The following MAPRE2 variants were observed in gnomAD, a reference collection of about 807,000 sequenced individuals.
The protein encoded by MAPRE2 is microtubule-associated protein RP/EB family member 2.
In MAPRE2, 13 loss-of-function variants were observed where a neutral mutation model predicts 43.2. The ratio of observed to expected loss-of-function variants is 0.30; its 90% CI spans 0.20 to 0.48. MAPRE2 has a LOEUF of 0.48. MAPRE2 is among the 20% of genes least tolerant of loss of function. The probability of loss-of-function intolerance (pLI) is 0.99; values close to 1 mark genes in which losing one functional copy is unlikely to be tolerated. For missense variants in MAPRE2, 161 were observed against 400.2 expected, an observed-to-expected ratio of 0.40 and a Z score of 5.10; for synonymous variants, 135 against 148.8, an observed-to-expected ratio of 0.91 and a Z score of 0.68.
chr18:35,084,125 T>G (rs1157814222), intron 2 of MAPRE2, among the ~76,000 whole-genome samples: 1 of 152,108 alleles, frequency 6.6e-6, no homozygotes, highest in Non-Finnish European at 1.5e-5. Flanking sequence ...AATACAAAAA[T>G]TAGTCCGGTG....
chr18:35,065,150 T>G lies in MAPRE2; in HGVS notation c.123-5045T>G, dbSNP rs1040618280. 4.6e-5 allele frequency among the ~76,000 whole-genome samples: 7 copies of G among 151,744 alleles called. 1 individual carries two copies. The highest frequency in any genetic ancestry group is 1.7e-4 in the African/African-American group (7 of 41,306). ...TCTGTACTAAAAATACCAAAAAAAT[T>G]AGCTGGGCGTGGTGGCATGTGCCTG... On this transcript the variant is annotated intron_variant, in intron 1 of 6. Transcript: ENST00000300249.
At chr18:35,091,067 A>G (rs1412548592) in intron 2 of MAPRE2, among the ~76,000 whole-genome samples, 4 of 152,244 alleles carry the variant, frequency 2.6e-5, no homozygotes, top group Admixed American at 6.5e-5. Context: ...TGAAGAGGAC[A>G]TAAATAAATG....
At chr18:35,063,307 C>G (rs1267402553) in intron 1 of MAPRE2, among the ~76,000 whole-genome samples, 3 of 151,878 alleles carry the variant, frequency 2.0e-5, no homozygotes, top group East Asian at 1.9e-4. Context: ...TGGGGTTTCA[C>G]CGTGTTAGCC....
At chr18:35,113,355 C>T (rs966234700) in intron 4 of MAPRE2, among the ~76,000 whole-genome samples, 1 of 152,138 alleles carries the variant, frequency 6.6e-6, no homozygotes, top group Non-Finnish European at 1.5e-5. Context: ...TTTTCATTGC[C>T]ATCCTAATTT....
chr18:35,070,104 G>A, intron 1 of MAPRE2, 91 bp from the exon 2 acceptor site: 1 of 1,089,762 alleles, frequency 9.2e-7, no homozygotes, highest in Non-Finnish European at 1.3e-6. Flanking sequence ...ACATGCCCTG[G>A]AGTCCTGCCA....
At chr18:35,116,851 G>A (rs1401606181) in intron 4 of MAPRE2, among the ~76,000 whole-genome samples, 1 of 152,180 alleles carries the variant, frequency 6.6e-6, no homozygotes, top group Non-Finnish European at 1.5e-5. Flanking sequence ...ACAAAAGCAT[G>A]AACACCAGGA....
chr18:35,054,876 C>T (rs942395501), intron 1 of MAPRE2, among the ~76,000 whole-genome samples: 6 of 151,982 alleles, frequency 3.9e-5, no homozygotes, highest in Non-Finnish European at 7.4e-5. Context: ...GGTCATAGTT[C>T]GCAATGAAGT....
intron 2 of MAPRE2, among the ~76,000 whole-genome samples, chr18:35,075,634 A>T (rs1311657220): frequency 6.6e-6 from 1 of 151,986 alleles, no homozygotes; most frequent in South Asian, 2.1e-4. Context: ...TACTTGTGAT[A>T]TATTACATAG....
rs948715666 is a variant in MAPRE2, at chr18:35,126,546, A to T, written c.611-402A>T. On this transcript the variant is annotated intron_variant, in intron 4 of 6. Coordinates refer to ENST00000300249, the MANE Select transcript of MAPRE2 (RefSeq NM_014268.4). Reference sequence around the variant, plus strand: ...TACATTTGGATTGATATTTCTGCTGAAGTATTAATTGGTTATAAGATCTTT... The same window carrying T: ...TACATTTGGATTGATATTTCTGCTGTAGTATTAATTGGTTATAAGATCTTT... Among the ~76,000 whole-genome samples the T allele has an allele frequency of 2.6e-5, 4 of 152,368 alleles. No individual in the cohort carries two copies. In the East Asian group the frequency reaches 7.7e-4, roughly 29 times the overall value.
At chr18:35,120,083 G>C (rs897740655) in intron 4 of MAPRE2, among the ~76,000 whole-genome samples, 2 of 152,188 alleles carry the variant, frequency 1.3e-5, no homozygotes, top group South Asian at 4.1e-4. Flanking sequence ...TGGCCACAAA[G>C]CCACACCAGT....
At chr18:35,031,029 A>T (rs1470824716) in intron 2 of MAPRE2, among the ~76,000 whole-genome samples, 2 of 151,820 alleles carry the variant, frequency 1.3e-5, no homozygotes, top group Non-Finnish European at 2.9e-5. Flanking sequence ...TACCCTGGTC[A>T]CCCCATTTAA....
At chr18:35,134,307 C>T (rs1910291793) in intron 6 of MAPRE2, among the ~76,000 whole-genome samples, 1 of 152,216 alleles carries the variant, frequency 6.6e-6, no homozygotes, top group Non-Finnish European at 1.5e-5. Flanking sequence ...AAGTCTGAGG[C>T]ACCTTTTAAG....
chr18:34,999,875 G>A (rs1041424838), intron 1 of MAPRE2, among the ~76,000 whole-genome samples: 1 of 152,068 alleles, frequency 6.6e-6, no homozygotes, highest in African/African-American at 2.4e-5. Flanking sequence ...CAGGAGAGGG[G>A]AGGCAGTCTG....
At chr18:34,978,561 C>A (rs34534618) in intron 1 of MAPRE2, 266,767 of 1,548,968 alleles carry the variant, frequency 0.17, 23,636 homozygotes, top group East Asian at 0.25. Flanking sequence ...AGAATGGCAA[C>A]ATTTCCCCTG....
chr18:35,088,512 G>A (rs1258051969), intron 2 of MAPRE2, among the ~76,000 whole-genome samples: 1 of 152,204 alleles, frequency 6.6e-6, no homozygotes, highest in African/African-American at 2.4e-5. Context: ...GATATTCTTA[G>A]CAGGAGAGGG....
rs1381840761 is a variant in MAPRE2 at position 35,140,346 on chromosome 18, C to G, written c.961C>G (p.Pro321Ala). 1 of 1,613,494 alleles carries G rather than the reference C, an allele frequency of 6.2e-7. No individual in the cohort carries two copies. The highest frequency in any genetic ancestry group is 1.7e-5 in the Admixed American group (1 of 59,974). The part of the protein sequence containing the change: ...EAEEQAHEQQ[P>A]PQQEEY ...AGAGGAGCAAGCCCACGAACAGCAG[C>G]CCCCGCAGCAGGAAGAGTACTGACC... The change falls in exon 7 of 7, where the codon CCC becomes GCC. Residue 321 changes from proline to alanine, a missense_variant. Transcript: ENST00000300249.
intron 2 of MAPRE2, among the ~76,000 whole-genome samples, chr18:35,031,003 T>A (rs1429964311): frequency 6.6e-6 from 1 of 152,248 alleles, no homozygotes; most frequent in Non-Finnish European, 1.5e-5. Context: ...TTAAAGATTA[T>A]CTTTTCAGGA....
intron 1 of MAPRE2, among the ~76,000 whole-genome samples, chr18:34,981,887 A>ATT (rs1261290510): frequency 0.012 from 412 of 34,780 alleles, 6 homozygotes; most frequent in African/African-American, 0.022. Flanking sequence ...ATTTTTATTT[A>ATT]TTTTTTTTTT....
intron 2 of MAPRE2, among the ~76,000 whole-genome samples, chr18:35,018,021 A>G (rs560803870): frequency 6.6e-6 from 1 of 151,712 alleles, no homozygotes; most frequent in African/African-American, 2.4e-5. Context: ...TCATAAAAGG[A>G]TGTTGGATTT....
Sources: allele counts gnomAD v4.1 joint callset (sites outside exome capture counted in the v4.1 genomes callset), GRCh38; gene constraint gnomAD v4.1.1; transcripts MANE v1.5; gene names NCBI Gene and HGNC (gene_info 2026-07-23, HGNC 2026-07-21).